Variants in KCNQ5 observed in about 807,000 individuals in gnomAD.
KCNQ5 encodes potassium voltage-gated channel subfamily Q member 5.
In KCNQ5, 30 loss-of-function variants were observed where a neutral mutation model predicts 98.2. The observed-to-expected ratio is 0.31, with a 90% CI of 0.23 to 0.41. KCNQ5 has a LOEUF of 0.41. Among genes scored for constraint, KCNQ5 ranks in the 10% least tolerant of loss-of-function variants. The probability of loss-of-function intolerance (pLI) is 1.00; values close to 1 mark genes in which losing one functional copy is unlikely to be tolerated. For synonymous variants in KCNQ5, 458 were observed against 449.4 expected, an observed-to-expected ratio of 1.02 and a Z score of -0.24; for missense variants, 835 against 1,182.5, an observed-to-expected ratio of 0.71 and a Z score of 4.31.
intron 1 of KCNQ5, among the ~76,000 whole-genome samples, chr6:72,950,392 G>A (rs1275514068): frequency 3.9e-5 from 6 of 152,216 alleles, no homozygotes; most frequent in African/African-American, 4.8e-5. Context: ...GAATGGAGTT[G>A]ATGAAGCTAA....
intron 3 of KCNQ5, among the ~76,000 whole-genome samples, chr6:73,072,000 A>G (rs1201417601): frequency 6.6e-6 from 1 of 152,202 alleles, no homozygotes; most frequent in Non-Finnish European, 1.5e-5. Context: ...GGCCACTAGA[A>G]TAATTCAAAA....
At chr6:73,164,334 A>G (rs1264714353) in intron 10 of KCNQ5, among the ~76,000 whole-genome samples, 1 of 152,212 alleles carries the variant, frequency 6.6e-6, no homozygotes. Context: ...ACATGCCAGC[A>G]AAGATATATT....
At chr6:73,118,760 G>A (rs1188820816) in intron 7 of KCNQ5, among the ~76,000 whole-genome samples, 1 of 152,192 alleles carries the variant, frequency 6.6e-6, no homozygotes, top group African/African-American at 2.4e-5. Context: ...GGTGGCTCAT[G>A]CCTGTAATCC....
At chr6:73,009,674 T>G (rs562032262) in intron 2 of KCNQ5, among the ~76,000 whole-genome samples, 2 of 151,880 alleles carry the variant, frequency 1.3e-5, no homozygotes, top group South Asian at 4.2e-4. Context: ...ATTAATAGAA[T>G]CAGAAATGGA....
chr6:73,070,314 T>C (rs1023241497), intron 3 of KCNQ5, among the ~76,000 whole-genome samples: 6 of 152,180 alleles, frequency 3.9e-5, no homozygotes, highest in Non-Finnish European at 8.8e-5. Flanking sequence ...ATTTGGAGAA[T>C]GACAGAGTTT....
intron 1 of KCNQ5, among the ~76,000 whole-genome samples, chr6:72,950,073 C>G (rs1274881128): frequency 1.3e-5 from 2 of 152,118 alleles, no homozygotes; most frequent in African/African-American, 4.8e-5. Flanking sequence ...TAGTATATCA[C>G]AGAAATTTCT....
At chr6:73,046,958 T>G (rs1478585190) in intron 3 of KCNQ5, among the ~76,000 whole-genome samples, 1 of 152,046 alleles carries the variant, frequency 6.6e-6, no homozygotes, top group East Asian at 1.9e-4. Context: ...AATGTCCCAT[T>G]TTATAGATGA....
At chr6:73,127,548 T>A (rs1441609732) in intron 9 of KCNQ5, among the ~76,000 whole-genome samples, 1 of 152,170 alleles carries the variant, frequency 6.6e-6, no homozygotes, top group Non-Finnish European at 1.5e-5. Flanking sequence ...GTAGAGTGGG[T>A]CATACACAGA....
In KCNQ5 at chr6:73,131,039, C is replaced by T. The variant is rs1462058666; in HGVS notation, c.1248-2382C>T. Among the ~76,000 whole-genome samples the T allele has an allele frequency of 3.9e-5, 6 of 151,994 alleles. No individual in the cohort carries two copies. In the East Asian group the frequency reaches 9.6e-4, roughly 24 times the overall value. ...AATGTTACTTAGAATTTATTTTTGTCAACTTTAAGTGCTTTAAATGATACT... is the reference window on the plus strand; with the variant it reads ...AATGTTACTTAGAATTTATTTTTGTTAACTTTAAGTGCTTTAAATGATACT... On this transcript the variant is annotated intron_variant, in intron 9 of 13. Transcript: ENST00000370398.
chr6:72,773,294 C>T (rs12527777), intron 1 of KCNQ5, among the ~76,000 whole-genome samples: 90,639 of 151,872 alleles, frequency 0.6, 27,061 homozygotes, highest in Admixed American at 0.63. Context: ...TGGAATACTA[C>T]GCAGCCATAA....
At chr6:73,015,551 A>G (rs1418052317) in intron 2 of KCNQ5, among the ~76,000 whole-genome samples, 2 of 152,136 alleles carry the variant, frequency 1.3e-5, no homozygotes, top group African/African-American at 4.8e-5. Flanking sequence ...ATTGATGTCT[A>G]ACCAAGTGGT....
chr6:72,775,747 C>T (rs894647543), intron 1 of KCNQ5, among the ~76,000 whole-genome samples: 3 of 152,172 alleles, frequency 2.0e-5, no homozygotes, highest in Non-Finnish European at 4.4e-5. Context: ...TAACCCCAGT[C>T]CCATCATGGT....
At chr6:73,171,082 G>C (rs1777997479) in intron 11 of KCNQ5, among the ~76,000 whole-genome samples, 1 of 152,154 alleles carries the variant, frequency 6.6e-6, no homozygotes, top group Non-Finnish European at 1.5e-5. Context: ...TTGCCCTATA[G>C]CTGAGAGTCA....
intron 1 of KCNQ5, among the ~76,000 whole-genome samples, chr6:72,879,326 G>C (rs1277836361): frequency 2.0e-5 from 3 of 152,090 alleles, no homozygotes; most frequent in African/African-American, 7.2e-5. Context: ...CTTCTGATAA[G>C]AAATCACTCC....
intron 13 of KCNQ5, among the ~76,000 whole-genome samples, chr6:73,193,637 A>T (rs186242048): frequency 6.6e-6 from 1 of 151,928 alleles, no homozygotes; most frequent in East Asian, 1.9e-4. Flanking sequence ...CCCCAATTTA[A>T]TAAAAAATAC....
intron 1 of KCNQ5, among the ~76,000 whole-genome samples, chr6:72,955,220 C>G (rs2150258906): frequency 6.6e-6 from 1 of 152,314 alleles, no homozygotes; most frequent in South Asian, 2.1e-4. Flanking sequence ...AGTGAACCTG[C>G]TTGTCCATTC....
intron 7 of KCNQ5, among the ~76,000 whole-genome samples, chr6:73,113,378 T>G (rs1309262660): frequency 1.3e-5 from 2 of 152,238 alleles, no homozygotes; most frequent in Non-Finnish European, 2.9e-5. Context: ...TATCAGCTGT[T>G]TTGTTAGAAA....
intron 10 of KCNQ5, among the ~76,000 whole-genome samples, chr6:73,167,887 C>T (rs2150501612): frequency 6.6e-6 from 1 of 152,264 alleles, no homozygotes; most frequent in South Asian, 2.1e-4. Context: ...ATGAGGGCTC[C>T]ACCCTCATAA....
At chr6:73,050,384 C>A (rs1482239430) in intron 3 of KCNQ5, among the ~76,000 whole-genome samples, 2 of 151,774 alleles carry the variant, frequency 1.3e-5, no homozygotes, top group Non-Finnish European at 2.9e-5. Flanking sequence ...ATAAATGTAA[C>A]TATTATAAAA....
Sources: gnomAD v4.1 joint callset for allele counts (sites outside exome capture counted in the v4.1 genomes callset) on GRCh38, gnomAD v4.1.1 for gene constraint, MANE v1.5 for transcripts, NCBI Gene and HGNC (gene_info 2026-07-23, HGNC 2026-07-21) for gene names.